HSPD1: variants seen among roughly 807,000 people sequenced by gnomAD.
HSPD1 encodes the protein 60 kDa heat shock protein, mitochondrial.
Under a neutral mutation model 53.0 loss-of-function variants are expected in HSPD1, and 3 were observed. That is an observed-to-expected ratio of 0.06 (90% CI 0.03 to 0.15). The LOEUF (loss-of-function observed/expected upper bound fraction) is 0.15. Among genes scored for constraint, HSPD1 ranks in the 10% least tolerant of loss-of-function variants. The pLI, the probability that HSPD1 is intolerant of heterozygous loss-of-function variation, is 1.00. For missense variants in HSPD1, 431 were observed against 694.1 expected (o/e 0.62, Z 4.26); for synonymous variants, 200 against 228.0 (o/e 0.88, Z 1.10).
chr2:197,499,295 T>A (rs1052367358), intron 1 of HSPD1: 3 of 274,510 alleles, frequency 1.1e-5, no homozygotes, highest in African/African-American at 6.8e-5. Flanking sequence ...TCTCCATGGA[T>A]CCACCCAAGG....
intron 8 of HSPD1, 47 bp downstream of exon 8, chr2:197,490,150 A>C: frequency 2.4e-6 from 3 of 1,260,878 alleles, no homozygotes; most frequent in Non-Finnish European, 3.5e-6. Flanking sequence ...TAAATTCCAG[A>C]CAAGTATAAA....
intron 3 of HSPD1, 21 bp downstream of exon 3, chr2:197,497,119 G>A (rs1252070271): frequency 6.2e-7 from 1 of 1,612,098 alleles, no homozygotes; most frequent in Non-Finnish European, 8.5e-7. Flanking sequence ...AGAACACTGT[G>A]GTGACAACAG....
At chr2:197,487,249 ACTTATTGAAAATTTCTGTCTGGG>A in intron 11 of HSPD1, 51 bp from the exon 12 acceptor site, 2 of 1,539,120 alleles carry the variant, frequency 1.3e-6, no homozygotes, top group Admixed American at 3.5e-5. Flanking sequence ...TATGAGCAAG[ACTTATTGAAAATTTCTGTCTGGG>A]CATGGTGGCT....
chr2:197,490,569 G>A, intron 7 of HSPD1: 1 of 412,964 alleles, frequency 2.4e-6, no homozygotes, highest in Non-Finnish European at 4.5e-6. Context: ...GGTGACTCAG[G>A]CCTGTAATCC....
chr2:197,496,592 A>C (rs2086159818), intron 3 of HSPD1, among the ~76,000 whole-genome samples: 1 of 152,254 alleles, frequency 6.6e-6, no homozygotes, highest in South Asian at 2.1e-4. Flanking sequence ...ATTTAAGTCT[A>C]TACTGCCATG....
At chr2:197,495,213 A>G (rs1574601733) in intron 4 of HSPD1, 81 bp downstream of exon 4, 2 of 771,308 alleles carry the variant, frequency 2.6e-6, no homozygotes, top group East Asian at 5.0e-5. Context: ...TTATTCTGAC[A>G]TTGGTGTGAT....
chr2:197,494,773 T>C (rs753535358), intron 4 of HSPD1, 21 bp from the exon 5 acceptor site: 1 of 1,536,842 alleles, frequency 6.5e-7, no homozygotes, highest in Non-Finnish European at 9.0e-7. Flanking sequence ...CCAGTTACTC[T>C]TCGAAATTAA....
rs190674536 is a variant in HSPD1, at chr2:197,495,070, C to A, written c.510+224G>T. The A allele has an allele frequency of 4.6e-4, 275 of 603,072 alleles. 1 individual carries two copies. Among genetic ancestry groups the A allele is most frequent in the Admixed American group, 3.3e-3 (110 of 33,550 alleles). The allele number at this position is 603,072 out of a possible 1,614,324, so 37.4% of individuals were successfully genotyped here. A position where few individuals can be genotyped will look rare whatever the true frequency, so the allele number is the denominator to read the frequency against. On this transcript the variant is annotated intron_variant, in intron 4 of 11. Coordinates refer to ENST00000388968, the MANE Select transcript of HSPD1 (RefSeq NM_002156.5). Reference sequence around the variant, plus strand: ...GAACATTTTCACAATCATATGAATCCATTTTACAGCCATGTAGAACTAAAA... The same window carrying A: ...GAACATTTTCACAATCATATGAATCAATTTTACAGCCATGTAGAACTAAAA...
At position 197,492,842 on chromosome 2, in the gene HSPD1, T is replaced by C. The variant is rs191382123; in HGVS notation, c.869+482A>G. 4.6e-3 allele frequency among the ~76,000 whole-genome samples: 695 copies of C among 152,034 alleles called. 3 individuals are homozygous for C. The highest frequency in any genetic ancestry group is 7.8e-3 in the Non-Finnish European group (533 of 67,986). ...CTGGCCAATATGGTGAAACCCTGTC[T>C]CTACTAAAAATACAAAAATTAGTCA... is the stretch of plus-strand genomic sequence containing the variant. On this transcript the variant is annotated intron_variant, in intron 7 of 11. Coordinates refer to ENST00000388968, the MANE Select transcript of HSPD1 (RefSeq NM_002156.5).
chr2:197,494,805 G>A, intron 4 of HSPD1, 53 bp from the exon 5 acceptor site: 2 of 1,169,522 alleles, frequency 1.7e-6, no homozygotes, highest in Admixed American at 3.4e-5. Context: ...AGTGTCCTCA[G>A]TCAGTTCCCT....
In HSPD1 at chr2:197,489,034, CA is replaced by C; in HGVS notation, c.1182del (p.Ala395GlnfsTer10). The C allele has an allele frequency of 6.2e-7, 1 of 1,613,938 alleles. No individual in the cohort carries two copies. Among genetic ancestry groups the C allele is most frequent in the Non-Finnish European group, 8.5e-7 (1 of 1,179,838 alleles). On this transcript the variant is annotated frameshift_variant, in exon 9 of 12. Coordinates refer to ENST00000388968, the MANE Select transcript of HSPD1 (RefSeq NM_002156.5). LOFTEE classifies it high-confidence loss of function. ...ACAGCCACTCCATCTGAAAGTTTTG[CA>C]AGCCGTTCATTCAGTTTTTCCTTTT... ...EYEKEKLNER[L>X]AKLSDGVAVL...
At chr2:197,494,591 C>G in intron 5 of HSPD1, 66 bp downstream of exon 5, 1 of 1,155,598 alleles carries the variant, frequency 8.7e-7, no homozygotes, top group Non-Finnish European at 1.3e-6. Context: ...TTTTGATCAT[C>G]AGATAACTCA....
intron 4 of HSPD1, 143 bp from the exon 5 acceptor site, chr2:197,494,895 A>G: frequency 1.4e-6 from 1 of 698,784 alleles, no homozygotes; most frequent in Middle Eastern, 2.3e-4. Context: ...AGTTTTCATG[A>G]AGTACTGGTT....
chr2:197,496,774 T>C, intron 3 of HSPD1: 1 of 298,948 alleles, frequency 3.3e-6, no homozygotes, highest in East Asian at 8.3e-5. Context: ...TCTACAAAAC[T>C]AAACTAAAAA....
At chr2:197,495,136 A>G (rs2086141813) in intron 4 of HSPD1, 158 bp downstream of exon 4, 4 of 653,040 alleles carry the variant, frequency 6.1e-6, no homozygotes, top group East Asian at 2.7e-5. Context: ...CATTATGGTC[A>G]TAATTCTTTT....
At position 197,495,387 on chromosome 2, in the gene HSPD1, G is replaced by T; in HGVS notation, c.428-11C>A. On this transcript the variant is annotated splice_polypyrimidine_tract_variant and intron_variant, in intron 3 of 11. Coordinates refer to ENST00000388968, the MANE Select transcript of HSPD1 (RefSeq NM_002156.5). ...CAGCTAACATCACACCTAGTTCAAC[G>T]ATATATGTCATTACAATGTTTATTT... The T allele has an allele frequency of 6.6e-7, 1 of 1,522,402 alleles. No individual in the cohort carries two copies. The highest frequency in any genetic ancestry group is 9.1e-7 in the Non-Finnish European group (1 of 1,096,582). 94.3% of individuals were successfully genotyped at this position (1,522,402 alleles called of 1,614,324 possible). A position where few individuals can be genotyped will look rare whatever the true frequency, so the allele number is the denominator to read the frequency against.
At chr2:197,490,415 GTTTT>G in intron 7 of HSPD1, 119 bp from the exon 8 acceptor site, 2 of 728,832 alleles carry the variant, frequency 2.7e-6, no homozygotes, top group Admixed American at 2.6e-5. Context: ...TGGTTTTTGT[GTTTT>G]TTTGTTTTTT....
chr2:197,499,111 C>T, intron 1 of HSPD1: 1 of 547,966 alleles, frequency 1.8e-6, no homozygotes, highest in East Asian at 3.3e-5. Context: ...GGCCACCTAT[C>T]CCTGCCGCCA....
chr2:197,492,378 C>A (rs189237813), intron 7 of HSPD1, among the ~76,000 whole-genome samples: 1 of 151,804 alleles, frequency 6.6e-6, no homozygotes, highest in Non-Finnish European at 1.5e-5. Context: ...TTAGTAGAGA[C>A]GGGGTTTCAC....
Sources: allele counts gnomAD v4.1 joint callset (sites outside exome capture counted in the v4.1 genomes callset), GRCh38; gene constraint gnomAD v4.1.1; transcripts MANE v1.5; gene names NCBI Gene and HGNC (gene_info 2026-07-23, HGNC 2026-07-21).